Variants in CNRIP1 observed in about 807,000 individuals in gnomAD.
The protein encoded by CNRIP1 is CB1 cannabinoid receptor-interacting protein 1.
A neutral mutation model predicts 15.2 loss-of-function variants in CNRIP1; 10 were observed. That is an observed-to-expected ratio of 0.66 (90% confidence interval 0.41 to 1.12). The LOEUF (loss-of-function observed/expected upper bound fraction) is 1.12. Ranked by LOEUF, CNRIP1 falls within the 50% of genes most tolerant of loss-of-function variation. CNRIP1 has a pLI of 0.00. For synonymous variants in CNRIP1, 91 were observed against 83.2 expected (o/e 1.09, Z -0.51); for missense variants, 211 against 214.7 (o/e 0.98, Z 0.11).
chr2:68,294,368 C>T (rs1671269593), intron 2 of CNRIP1, among the ~76,000 whole-genome samples: 1 of 152,186 alleles, frequency 6.6e-6, no homozygotes, highest in African/African-American at 2.4e-5. Flanking sequence ...AAAGCTTACT[C>T]TAAAATGGCC....
At chr2:68,303,003 T>G (rs909238352) in intron 2 of CNRIP1, among the ~76,000 whole-genome samples, 2 of 151,788 alleles carry the variant, frequency 1.3e-5, no homozygotes, top group Non-Finnish European at 2.9e-5. Flanking sequence ...GCCCGCTACC[T>G]CGCCCGGCTA....
Position 68,294,036 on chromosome 2 carries a change from G to C in CNRIP1, c.331-10C>G, listed in dbSNP as rs367558376. ...TCCCAATGTCTGTGAACTGAGGGAAGAGAAACATGCCTGATAAAAAACCTC... is the reference window on the plus strand; with the variant it reads ...TCCCAATGTCTGTGAACTGAGGGAACAGAAACATGCCTGATAAAAAACCTC... On this transcript the variant is annotated splice_polypyrimidine_tract_variant and intron_variant, in intron 2 of 2. Coordinates refer to ENST00000263655, the MANE Select transcript of CNRIP1 (RefSeq NM_015463.3). 1.6e-5 allele frequency: 25 copies of C among 1,612,452 alleles called. No homozygotes were observed. Among genetic ancestry groups the C allele is most frequent in the African/African-American group, 2.7e-5 (2 of 74,824 alleles).
downstream of CNRIP1, among the ~76,000 whole-genome samples, chr2:68,290,582 A>G (rs573566385): frequency 6.6e-6 from 1 of 152,316 alleles, no homozygotes; most frequent in Admixed American, 6.5e-5. Context: ...TTTTCAGTAT[A>G]TCTGCCTCTA....
intron 2 of CNRIP1, among the ~76,000 whole-genome samples, chr2:68,310,692 C>A (rs1672038559): frequency 2.1e-5 from 3 of 140,404 alleles, no homozygotes; most frequent in Non-Finnish European, 3.0e-5. Context: ...TGTAATGAAA[C>A]ATGAAAGTGT....
intron 2 of CNRIP1, among the ~76,000 whole-genome samples, chr2:68,312,193 T>TC (rs927081457): frequency 6.6e-5 from 10 of 151,188 alleles, no homozygotes; most frequent in South Asian, 2.1e-4. Context: ...TAGACAAATA[T>TC]CCCCCCCGGA....
At chr2:68,288,249 A>G (rs1291276950), downstream of CNRIP1, among the ~76,000 whole-genome samples, 1 of 152,168 alleles carries the variant, frequency 6.6e-6, no homozygotes, top group East Asian at 1.9e-4. Context: ...ATCTGAGTAA[A>G]CAATATTTCA....
intron 2 of CNRIP1, among the ~76,000 whole-genome samples, chr2:68,298,563 CAA>C (rs1342982523): frequency 1.3e-5 from 2 of 152,036 alleles, no homozygotes; most frequent in Non-Finnish European, 2.9e-5. Flanking sequence ...CAAAGGAGAC[CAA>C]AGTTAAAATC....
intron 2 of CNRIP1, among the ~76,000 whole-genome samples, chr2:68,304,779 AT>A (rs1671748751): frequency 6.6e-6 from 1 of 151,908 alleles, no homozygotes; most frequent in African/African-American, 2.4e-5. Context: ...TTTGTATCTT[AT>A]TTCTAATAGG....
At chr2:68,292,759 G>A (rs750565548), downstream of CNRIP1, among the ~76,000 whole-genome samples, 84 of 152,296 alleles carry the variant, frequency 5.5e-4, no homozygotes, top group Non-Finnish European at 9.4e-4. Flanking sequence ...ACCACAGAAA[G>A]AGTAATGGAG....
At chr2:68,300,298 G>T (rs77048416) in intron 2 of CNRIP1, among the ~76,000 whole-genome samples, 8,569 of 152,212 alleles carry the variant, frequency 0.056, 297 homozygotes, top group Admixed American at 0.093. Flanking sequence ...AGCCAGTCTG[G>T]TGACTATATA....
At chr2:68,288,067 G>GGCCAGCCAGCCAGCCAGCCAGCCA (rs70949693), downstream of CNRIP1, among the ~76,000 whole-genome samples, 248 of 149,876 alleles carry the variant, frequency 1.7e-3, 1 homozygote, top group African/African-American at 5.8e-3. Flanking sequence ...GCAGCCGGCC[G>GGCCAGCCAGCCAGCCAGCCAGCCA]GCCAGCCAGC....
chr2:68,312,673 T>C (rs575164394), intron 2 of CNRIP1, among the ~76,000 whole-genome samples: 1 of 152,166 alleles, frequency 6.6e-6, no homozygotes, highest in East Asian at 1.9e-4. Flanking sequence ...TATTTACAGA[T>C]GACATGATAG....
chr2:68,316,171 C>G (rs938788404), intron 2 of CNRIP1: 1 of 152,008 alleles, frequency 6.6e-6, no homozygotes, highest in Non-Finnish European at 1.5e-5. Context: ...ATAGGCATTT[C>G]TCAAAGTGCA....
intron 2 of CNRIP1, among the ~76,000 whole-genome samples, chr2:68,313,296 A>G (rs1288605096): frequency 6.6e-6 from 1 of 152,150 alleles, no homozygotes; most frequent in Non-Finnish European, 1.5e-5. Flanking sequence ...ATAAACACAT[A>G]CTTACCATGT....
downstream of CNRIP1, among the ~76,000 whole-genome samples, chr2:68,292,136 G>A (rs1167396725): frequency 6.6e-6 from 1 of 152,042 alleles, no homozygotes; most frequent in Non-Finnish European, 1.5e-5. Flanking sequence ...ATATCTCAAT[G>A]TCTGTTCAAA....
chr2:68,287,599 C>A (rs1671061607), intron 2 of CNRIP1, among the ~76,000 whole-genome samples: 3 of 152,208 alleles, frequency 2.0e-5, no homozygotes, highest in Admixed American at 2.0e-4. Flanking sequence ...CTAAGGTGAT[C>A]AATCATCTTG....
downstream of CNRIP1, among the ~76,000 whole-genome samples, chr2:68,288,692 T>C (rs1671091365): frequency 6.6e-6 from 1 of 152,188 alleles, no homozygotes; most frequent in Admixed American, 6.5e-5. Context: ...ATACTTCTGT[T>C]TGTTGGCAAC....
chr2:68,299,743 C>T (rs541780926), intron 2 of CNRIP1, among the ~76,000 whole-genome samples: 38 of 152,338 alleles, frequency 2.5e-4, no homozygotes, highest in Admixed American at 7.2e-4. Flanking sequence ...GAGAACACAT[C>T]TGATTCCAAG....
chr2:68,303,204 CAAT>C (rs1231324303), intron 2 of CNRIP1, among the ~76,000 whole-genome samples: 1 of 152,092 alleles, frequency 6.6e-6, no homozygotes, highest in Non-Finnish European at 1.5e-5. Context: ...ACTCAAAAGA[CAAT>C]AATAGCTAGG....
Sources: allele counts gnomAD v4.1 joint callset (sites outside exome capture counted in the v4.1 genomes callset), GRCh38; gene constraint gnomAD v4.1.1; transcripts MANE v1.5; gene names NCBI Gene and HGNC (gene_info 2026-07-23, HGNC 2026-07-21).